The following XKR9 variants were observed in gnomAD, a reference collection of about 807,000 sequenced individuals.
XKR9 encodes the protein XK related 9.
Under a neutral mutation model 32.0 loss-of-function variants are expected in XKR9, and 32 were observed. The observed-to-expected ratio is 1.00, with a 90% CI of 0.76 to 1.34. XKR9 has a LOEUF of 1.34. XKR9 is among the 40% of genes most tolerant of loss of function. The probability of loss-of-function intolerance (pLI) is 0.00; values close to 1 mark genes in which losing one functional copy is unlikely to be tolerated. For synonymous variants in XKR9, 168 were observed against 143.4 expected (o/e 1.17, Z -1.22); for missense variants, 546 against 429.7 (o/e 1.27, Z -2.39).
chr8:70,940,280 G>C, the XKR9 span, among the ~76,000 whole-genome samples: 1 of 151,990 alleles, frequency 6.6e-6, no homozygotes, highest in Non-Finnish European at 1.5e-5. Flanking sequence ...ATCATGCTCT[G>C]CTTCGTGATC....
the XKR9 span, among the ~76,000 whole-genome samples, chr8:70,996,373 A>T: frequency 1.3e-5 from 2 of 152,224 alleles, no homozygotes; most frequent in African/African-American, 4.8e-5. Flanking sequence ...GGCAATTGAT[A>T]GATTTCTAGG....
chr8:70,813,763 G>T, the XKR9 span, among the ~76,000 whole-genome samples: 3 of 152,220 alleles, frequency 2.0e-5, no homozygotes, highest in African/African-American at 7.2e-5. Context: ...ACACCAGTTA[G>T]AATGGCAATC....
chr8:70,875,797 G>A, the XKR9 span, among the ~76,000 whole-genome samples: 15 of 152,030 alleles, frequency 9.9e-5, no homozygotes, highest in African/African-American at 3.4e-4. Flanking sequence ...TCCTAAAGAC[G>A]AAAATTCTTT....
At chr8:70,762,788 A>G (rs1807325513) in intron 2 of XKR9, among the ~76,000 whole-genome samples, 1 of 152,220 alleles carries the variant, frequency 6.6e-6, no homozygotes, top group Admixed American at 6.5e-5. Flanking sequence ...CCTAAATTTA[A>G]GGGACCCTTG....
intron 4 of XKR9, among the ~76,000 whole-genome samples, chr8:70,714,060 C>T (rs1376390039): frequency 6.6e-6 from 1 of 152,010 alleles, no homozygotes; most frequent in East Asian, 1.9e-4. Context: ...CCTCTGTGCA[C>T]ACATAATGGT....
At chr8:70,914,891 G>C in the XKR9 span, among the ~76,000 whole-genome samples, 1 of 152,196 alleles carries the variant, frequency 6.6e-6, no homozygotes. Flanking sequence ...CACTACAACT[G>C]TGATATTGCA....
chr8:70,977,842 G>A, the XKR9 span, among the ~76,000 whole-genome samples: 1 of 152,188 alleles, frequency 6.6e-6, no homozygotes, highest in East Asian at 1.9e-4. Context: ...GGTTGTTAAA[G>A]TCTCCCATTT....
the XKR9 span, among the ~76,000 whole-genome samples, chr8:70,828,730 GAA>G: frequency 0.014 from 1,633 of 119,546 alleles, 23 homozygotes; most frequent in African/African-American, 0.045. Context: ...CAAAAAAAAA[GAA>G]AAAAAAAAAA....
the XKR9 span, among the ~76,000 whole-genome samples, chr8:70,842,894 C>T: frequency 5.3e-5 from 8 of 152,172 alleles, no homozygotes; most frequent in Non-Finnish European, 7.4e-5. Context: ...ACCATTGCTG[C>T]CCTTCTGGGG....
the XKR9 span, among the ~76,000 whole-genome samples, chr8:70,815,201 T>C: frequency 6.6e-6 from 1 of 152,206 alleles, no homozygotes; most frequent in East Asian, 1.9e-4. Context: ...AGGATACATG[T>C]GCAGGTTTGT....
the XKR9 span, among the ~76,000 whole-genome samples, chr8:71,004,128 CGT>C: frequency 1.3e-5 from 2 of 152,108 alleles, no homozygotes; most frequent in African/African-American, 4.8e-5. Context: ...GGGGTCATCC[CGT>C]GGAGGACCAT....
chr8:71,036,888 A>G, the XKR9 span, among the ~76,000 whole-genome samples: 2 of 60,118 alleles, frequency 3.3e-5, no homozygotes, highest in Non-Finnish European at 6.1e-5. Context: ...TTTTTTTTTT[A>G]AGTAGAGACA....
At chr8:70,788,470 T>C (rs1398750785) in intron 2 of XKR9, among the ~76,000 whole-genome samples, 1 of 152,096 alleles carries the variant, frequency 6.6e-6, no homozygotes, top group Non-Finnish European at 1.5e-5. Flanking sequence ...CAACATTACA[T>C]TGAATAATTT....
chr8:70,999,893 T>G, the XKR9 span, among the ~76,000 whole-genome samples: 1 of 152,224 alleles, frequency 6.6e-6, no homozygotes, highest in Non-Finnish European at 1.5e-5. Context: ...ATATTGATAG[T>G]TGCTAAGAAG....
the XKR9 span, among the ~76,000 whole-genome samples, chr8:70,828,841 A>G: frequency 6.6e-6 from 1 of 152,198 alleles, no homozygotes; most frequent in African/African-American, 2.4e-5. Flanking sequence ...CCATTGGGTC[A>G]TTAATAGTCC....
At chr8:70,737,379 G>T (rs1452031147), downstream of XKR9, among the ~76,000 whole-genome samples, 1 of 147,562 alleles carries the variant, frequency 6.8e-6, no homozygotes, top group Admixed American at 6.8e-5. Context: ...CTGAGACAAT[G>T]GGGTTTTCTA....
At chr8:71,011,967 C>A in the XKR9 span, among the ~76,000 whole-genome samples, 2 of 152,070 alleles carry the variant, frequency 1.3e-5, no homozygotes, top group Non-Finnish European at 2.9e-5. Context: ...TTGCTTTCAT[C>A]TCTATTTTAG....
Position 70,734,291 on chromosome 8 carries a change from T to G in XKR9, c.989T>G (p.Leu330Arg), listed in dbSNP as rs765019886. ...AGTATAACTATAGTTCTTACTCTTCTTCTTGGAATTCTTTTTCTTATTGTT... is the reference window on the plus strand; with the variant it reads ...AGTATAACTATAGTTCTTACTCTTCGTCTTGGAATTCTTTTTCTTATTGTT... ...PISITIVLTL[L>R]LGILFLIVYY... The change falls in exon 5 of 5, where the codon CTT becomes CGT. Residue 330 changes from leucine to arginine, a missense_variant. By Grantham distance (102) the Leu-to-Arg change is moderately radical (BLOSUM62 -2). Coordinates refer to ENST00000408926, the MANE Select transcript of XKR9 (RefSeq NM_001011720.2). The G allele has an allele frequency of 6.2e-7, 1 of 1,612,668 alleles. No individual in the cohort carries two copies. Among genetic ancestry groups the G allele is most frequent in the East Asian group, 2.2e-5 (1 of 44,792 alleles).
chr8:70,738,702 TA>T (rs1444290892), downstream of XKR9, among the ~76,000 whole-genome samples: 1 of 152,164 alleles, frequency 6.6e-6, no homozygotes, highest in Non-Finnish European at 1.5e-5. Context: ...AGAACATCTT[TA>T]TTTCTGCCTT....
Sources: gnomAD v4.1 joint callset for allele counts (sites outside exome capture counted in the v4.1 genomes callset) on GRCh38, gnomAD v4.1.1 for gene constraint, MANE v1.5 for transcripts, NCBI Gene and HGNC (gene_info 2026-07-23, HGNC 2026-07-21) for gene names.